Variants in ZDHHC3 observed in about 807,000 individuals in gnomAD.
ZDHHC3 encodes the protein zDHHC palmitoyltransferase 3, also known as palmitoyltransferase ZDHHC3.
ZDHHC3 carries 9 observed loss-of-function variants against 30.6 expected under a neutral mutation model. That is an observed-to-expected ratio of 0.29 (90% CI 0.18 to 0.51). The LOEUF is 0.51. Among genes scored for constraint, ZDHHC3 ranks in the 20% least tolerant of loss-of-function variants. The pLI is 0.97. For synonymous variants in ZDHHC3, 136 were observed against 140.2 expected (o/e 0.97, Z 0.21); for missense variants, 246 against 384.2 (o/e 0.64, Z 3.01).
chr3:44,922,961 T>C lies in ZDHHC3; in HGVS notation c.*3728A>G. The C allele has an allele frequency of 6.1e-6, 6 of 985,384 alleles. No homozygotes were observed. Among genetic ancestry groups the C allele is most frequent in the Non-Finnish European group, 7.2e-6 (6 of 829,918 alleles). 61.0% of individuals were successfully genotyped at this position (985,384 alleles called of 1,614,324 possible). ...TGGCTCACCCTTTAAGCTGATGCAC[T>C]GCAAGTCTTGAAAAGAGAGAAATTT... is the stretch of plus-strand genomic sequence containing the variant. On this transcript the variant is annotated 3_prime_UTR_variant, in exon 7 of 7. Coordinates refer to ENST00000424952, the MANE Select transcript of ZDHHC3 (RefSeq NM_001135179.2).
chr3:44,954,780 T>C (rs572992531), intron 2 of ZDHHC3, among the ~76,000 whole-genome samples: 2 of 152,284 alleles, frequency 1.3e-5, no homozygotes, highest in South Asian at 4.1e-4. Flanking sequence ...CTGTCACGTT[T>C]AAGCATCTTC....
Position 44,917,757 on chromosome 3 carries a change from T to C in ZDHHC3, c.*8932A>G. ...ACATGGAGAGAAGAAGGAGGGGAAA[T>C]GGCAAGGCCAAGCGAGTGGCTAAGG... On this transcript the variant is annotated 3_prime_UTR_variant, in exon 7 of 7. Transcript: ENST00000424952. 6.5e-6 allele frequency: 7 copies of C among 1,069,888 alleles called. No individual in the cohort carries two copies. The highest frequency in any genetic ancestry group is 3.1e-5 in the South Asian group (2 of 64,354). 66.3% of individuals were successfully genotyped at this position (1,069,888 alleles called of 1,614,324 possible). A position where few individuals can be genotyped will look rare whatever the true frequency, so the allele number is the denominator to read the frequency against.
At chr3:44,962,488 G>A (rs1392620476) in intron 1 of ZDHHC3, among the ~76,000 whole-genome samples, 3 of 142,296 alleles carry the variant, frequency 2.1e-5, no homozygotes, top group African/African-American at 7.9e-5. Context: ...AAAACAGAAA[G>A]GGAGAGAGAA....
Position 44,926,288 on chromosome 3 carries a change from C to T in ZDHHC3, c.*401G>A. On this transcript the variant is annotated 3_prime_UTR_variant, in exon 7 of 7. Transcript: ENST00000424952. ...CTGGGCAGTGGGAGGTCAGGGCCCT[C>T]CTGGCTTTCCCATGCATCCCCCACC... 4 of 989,378 alleles carry T rather than the reference C, an allele frequency of 4.0e-6. No individual in the cohort carries two copies. The highest frequency in any genetic ancestry group is 4.8e-6 in the Non-Finnish European group (4 of 832,706). 61.3% of individuals were successfully genotyped at this position (989,378 alleles called of 1,614,324 possible).
rs1021211051 is a variant in ZDHHC3, at chr3:44,921,067, A to C, written c.*5622T>G. ...TTCAGGCTCAAGAGAACGAACAAAA[A>C]TGGTTGATGCCTGGTAAGGGGGTCA... is the stretch of plus-strand genomic sequence containing the variant. On this transcript the variant is annotated 3_prime_UTR_variant, in exon 7 of 7. Transcript: ENST00000424952. 1.0e-6 allele frequency: 1 copy of C among 985,310 alleles called. No individual in the cohort carries two copies. Among genetic ancestry groups the C allele is most frequent in the Non-Finnish European group, 1.2e-6 (1 of 829,938 alleles). The allele number at this position is 985,310 out of a possible 1,614,324, so 61.0% of individuals were successfully genotyped here. A position where few individuals can be genotyped will look rare whatever the true frequency, so the allele number is the denominator to read the frequency against.
At chr3:44,955,907 C>T (rs369995794) in intron 2 of ZDHHC3, among the ~76,000 whole-genome samples, 7 of 152,330 alleles carry the variant, frequency 4.6e-5, no homozygotes, top group African/African-American at 1.7e-4. Context: ...TCAGTTGCTT[C>T]CCTTACTAAT....
chr3:44,973,000 CTT>C (rs1705529619), intron 1 of ZDHHC3, among the ~76,000 whole-genome samples: 2 of 152,178 alleles, frequency 1.3e-5, no homozygotes, highest in Non-Finnish European at 2.9e-5. Context: ...GAGTTAAGCT[CTT>C]ATTCTGCTCA....
intron 5 of ZDHHC3, among the ~76,000 whole-genome samples, chr3:44,930,295 G>A (rs933373755): frequency 1.3e-5 from 2 of 152,240 alleles, no homozygotes; most frequent in Non-Finnish European, 2.9e-5. Context: ...CAAAGGTGCT[G>A]TGGAGATGGT....
intron 1 of ZDHHC3, among the ~76,000 whole-genome samples, chr3:44,964,787 G>T (rs1267241226): frequency 6.6e-6 from 1 of 152,214 alleles, no homozygotes; most frequent in Non-Finnish European, 1.5e-5. Flanking sequence ...GGAAGATCTA[G>T]AACAATGATC....
chr3:44,931,423 A>C (rs1457076363), intron 5 of ZDHHC3, among the ~76,000 whole-genome samples: 1 of 152,168 alleles, frequency 6.6e-6, no homozygotes, highest in African/African-American at 2.4e-5. Flanking sequence ...TTGGGGAGGT[A>C]GGAATCAGAT....
At chr3:44,944,392 C>T (rs987356114) in intron 3 of ZDHHC3, among the ~76,000 whole-genome samples, 4 of 152,210 alleles carry the variant, frequency 2.6e-5, no homozygotes, top group Non-Finnish European at 5.9e-5. Context: ...GTGATCCGCC[C>T]GCCTCAGCCT....
Position 44,918,919 on chromosome 3 carries a change from G to C in ZDHHC3, c.*7770C>G. On this transcript the variant is annotated 3_prime_UTR_variant, in exon 7 of 7. Coordinates refer to ENST00000424952, the MANE Select transcript of ZDHHC3 (RefSeq NM_001135179.2). ...CCAGGCCCACAACACCCTGCACAGA[G>C]GCCTTTGACCCTCCACTGGGGGCAC... The C allele has an allele frequency of 2.0e-6, 2 of 985,582 alleles. No homozygotes were observed. Among genetic ancestry groups the C allele is most frequent in the Non-Finnish European group, 2.4e-6 (2 of 830,072 alleles). 61.1% of individuals were successfully genotyped at this position (985,582 alleles called of 1,614,324 possible).
chr3:44,944,455 A>C (rs1015674418), intron 3 of ZDHHC3, among the ~76,000 whole-genome samples: 1 of 150,756 alleles, frequency 6.6e-6, no homozygotes, highest in Non-Finnish European at 1.5e-5. Flanking sequence ...CTAATTTTTA[A>C]ATTTTTTTGT....
At chr3:44,931,670 C>G (rs908355310) in intron 5 of ZDHHC3, among the ~76,000 whole-genome samples, 1 of 152,222 alleles carries the variant, frequency 6.6e-6, no homozygotes, top group African/African-American at 2.4e-5. Context: ...CTGAAGCTCA[C>G]TCCATCAGGA....
In ZDHHC3 at chr3:44,916,171, C is replaced by T. The variant is rs904838409; in HGVS notation, c.*10518G>A. 6.6e-6 allele frequency: 1 copy of T among 152,228 alleles called. No individual in the cohort carries two copies. Among genetic ancestry groups the T allele is most frequent in the Non-Finnish European group, 1.5e-5 (1 of 68,074 alleles). The allele number at this position is 152,228 out of a possible 1,614,324, so 9.4% of individuals were successfully genotyped here. On this transcript the variant is annotated 3_prime_UTR_variant, in exon 7 of 7. Transcript: ENST00000424952. Reference sequence around the variant, plus strand: ...TGCTCTGTTGATGTTAGAATCCCACCATCACCCCTCTCGTGGGTCATAGTT... The same window carrying T: ...TGCTCTGTTGATGTTAGAATCCCACTATCACCCCTCTCGTGGGTCATAGTT...
intron 1 of ZDHHC3, among the ~76,000 whole-genome samples, chr3:44,974,755 C>A (rs962480215): frequency 6.6e-6 from 1 of 152,214 alleles, no homozygotes; most frequent in Non-Finnish European, 1.5e-5. Context: ...CTACGAAGAA[C>A]TGATCATCAA....
chr3:44,961,424 A>G (rs1704471581), intron 1 of ZDHHC3, among the ~76,000 whole-genome samples: 1 of 152,208 alleles, frequency 6.6e-6, no homozygotes, highest in Non-Finnish European at 1.5e-5. Context: ...TTTCAAGTAG[A>G]GTAAAAGTCT....
At chr3:44,958,929 G>C (rs1353800384) in intron 2 of ZDHHC3, among the ~76,000 whole-genome samples, 1 of 152,234 alleles carries the variant, frequency 6.6e-6, no homozygotes, top group Non-Finnish European at 1.5e-5. Context: ...AAGACAGATA[G>C]GCTGTGGTAC....
chr3:44,963,489 G>A (rs1409840346), intron 1 of ZDHHC3, among the ~76,000 whole-genome samples: 4 of 116,506 alleles, frequency 3.4e-5, no homozygotes, highest in African/African-American at 1.3e-4. Flanking sequence ...CTGAAAATCT[G>A]AGAAATATGG....
Sources: gnomAD v4.1 joint callset for allele counts (sites outside exome capture counted in the v4.1 genomes callset) on GRCh38, gnomAD v4.1.1 for gene constraint, MANE v1.5 for transcripts, NCBI Gene and HGNC (gene_info 2026-07-23, HGNC 2026-07-21) for gene names.